GALNT18: variants seen among roughly 807,000 people sequenced by gnomAD.
GALNT18 encodes the protein polypeptide N-acetylgalactosaminyltransferase 18.
In GALNT18, 44 loss-of-function variants were observed where a neutral mutation model predicts 69.5. That is an observed-to-expected ratio of 0.63 (90% CI 0.50 to 0.81). GALNT18 has a LOEUF of 0.81. GALNT18 is among the 40% of genes least tolerant of loss of function. The probability of loss-of-function intolerance (pLI) is 0.00; values close to 1 mark genes in which losing one functional copy is unlikely to be tolerated. For synonymous variants in GALNT18, 364 were observed against 318.2 expected, an observed-to-expected ratio of 1.14 and a Z score of -1.53; for missense variants, 715 against 810.0, an observed-to-expected ratio of 0.88 and a Z score of 1.42.
chr11:11,325,010 T>C (rs1292660714), intron 9 of GALNT18, among the ~76,000 whole-genome samples: 1 of 152,238 alleles, frequency 6.6e-6, no homozygotes, highest in Non-Finnish European at 1.5e-5. Flanking sequence ...ACTGGGTATC[T>C]ACCCAAAGGA....
Position 11,361,311 on chromosome 11 carries a change from A to G in GALNT18, c.1092+11204T>C, listed in dbSNP as rs149508642. ...GGTTCAAATCGCATCTTTACCACTT[A>G]CCAGTCATGTAACCTTGAGCAAGTT... On this transcript the variant is annotated intron_variant, in intron 6 of 10. Coordinates refer to ENST00000227756, the MANE Select transcript of GALNT18 (RefSeq NM_198516.3). Among the ~76,000 whole-genome samples the G allele has an allele frequency of 5.6e-3, 852 of 152,256 alleles. 5 individuals are homozygous for G. The highest frequency in any genetic ancestry group is 0.019 in the African/African-American group (794 of 41,530).
chr11:11,579,901 A>G (rs1165930548), intron 1 of GALNT18, among the ~76,000 whole-genome samples: 1 of 152,122 alleles, frequency 6.6e-6, no homozygotes, highest in East Asian at 1.9e-4. Context: ...CTGAGTTGTG[A>G]CTCAGTGAGT....
intron 1 of GALNT18, among the ~76,000 whole-genome samples, chr11:11,450,375 G>C (rs1018191559): frequency 3.9e-5 from 6 of 152,158 alleles, no homozygotes; most frequent in South Asian, 2.1e-4. Context: ...TCTCCTAAAA[G>C]CCCATCTGAG....
intron 6 of GALNT18, among the ~76,000 whole-genome samples, chr11:11,368,980 G>C (rs531474010): frequency 1.3e-5 from 2 of 152,348 alleles, no homozygotes; most frequent in South Asian, 2.1e-4. Context: ...TTTCTCCAGA[G>C]AGGATTTCTA....
chr11:11,518,817 C>T (rs1268100537), intron 1 of GALNT18, among the ~76,000 whole-genome samples: 1 of 152,236 alleles, frequency 6.6e-6, no homozygotes, highest in Non-Finnish European at 1.5e-5. Context: ...CCACCAGCTT[C>T]TCTAAGTACA....
chr11:11,300,267 C>T (rs937314473), intron 9 of GALNT18, among the ~76,000 whole-genome samples: 1 of 152,202 alleles, frequency 6.6e-6, no homozygotes, highest in Admixed American at 6.5e-5. Context: ...CATTTAGACT[C>T]TCCCTGCTGA....
chr11:11,388,252 T>C (rs1386054493), intron 3 of GALNT18, among the ~76,000 whole-genome samples: 1 of 152,160 alleles, frequency 6.6e-6, no homozygotes, highest in Non-Finnish European at 1.5e-5. Context: ...ACAAGGAATA[T>C]GCACCCCATA....
Position 11,618,846 on chromosome 11 carries a change from T to C in GALNT18, c.235+2513A>G, listed in dbSNP as rs970482365. Among the ~76,000 whole-genome samples, 3 of 152,202 alleles carry C rather than the reference T, an allele frequency of 2.0e-5. No homozygotes were observed. Among genetic ancestry groups the C allele is most frequent in the Admixed American group, 2.0e-4 (3 of 15,280 alleles). ...TTTTAGCTCTTATTATTATTACCGC[T>C]TATTCCCTCCAGTTCAGCAAAGTAA... is the stretch of plus-strand genomic sequence containing the variant. On this transcript the variant is annotated intron_variant, in intron 1 of 10. Transcript: ENST00000227756. This position sits in a 1 kb window ranked among gnomAD's most constrained non-coding sequence, Gnocchi z 6.1.
chr11:11,430,111 A>G lies in GALNT18; in HGVS notation c.595+2510T>C, dbSNP rs2133790669. Among the ~76,000 whole-genome samples, 1 of 152,320 alleles carries G rather than the reference A, an allele frequency of 6.6e-6. No individual in the cohort carries two copies. The highest frequency in any genetic ancestry group is 1.5e-5 in the Non-Finnish European group (1 of 68,026). ...GTGCCACTGCATTCCAGCCTGGGCA[A>G]CAGAGCAAGACCCTGTCTCAAAAAA... On this transcript the variant is annotated intron_variant, in intron 3 of 10. Coordinates refer to ENST00000227756, the MANE Select transcript of GALNT18 (RefSeq NM_198516.3). The surrounding 1 kb of genome is among the most constrained non-coding windows in gnomAD (Gnocchi z 4.9).
chr11:11,311,240 T>C (rs908934353), intron 9 of GALNT18, among the ~76,000 whole-genome samples: 3 of 152,140 alleles, frequency 2.0e-5, no homozygotes, highest in Admixed American at 2.0e-4. Context: ...TTCTTGAAGG[T>C]CTACTTCTAC....
In GALNT18 at chr11:11,271,270, G is replaced by A; in HGVS notation, c.1698C>T (p.Arg566=). The A allele has an allele frequency of 1.2e-6, 2 of 1,614,096 alleles. No individual in the cohort carries two copies. Among genetic ancestry groups the A allele is most frequent in the South Asian group, 1.1e-5 (1 of 91,084 alleles). The change falls in exon 11 of 11, where the codon CGC becomes CGT. Residue 566 remains arginine (R), a synonymous_variant. Transcript: ENST00000227756. ...GCAGCTCCAGACAGCGCTTAGACTT[G>A]CGGTTCTGGATGGGTCCTCCCTAGG... ...QFSQGGPIQN[R]KSKRCLELQE...
At chr11:11,274,975 C>T (rs1427603499) in intron 10 of GALNT18, among the ~76,000 whole-genome samples, 4 of 152,226 alleles carry the variant, frequency 2.6e-5, no homozygotes, top group African/African-American at 9.6e-5. Flanking sequence ...GGTTCCAAGT[C>T]TTTGCTATTG....
At chr11:11,509,483 T>C (rs1308564460) in intron 1 of GALNT18, among the ~76,000 whole-genome samples, 1 of 152,228 alleles carries the variant, frequency 6.6e-6, no homozygotes, top group East Asian at 1.9e-4. Context: ...GGGTGAAAAC[T>C]CTAAGAACAG....
chr11:11,499,725 G>A (rs1424118711), intron 1 of GALNT18, among the ~76,000 whole-genome samples: 1 of 152,152 alleles, frequency 6.6e-6, no homozygotes, highest in Non-Finnish European at 1.5e-5. Flanking sequence ...TGCTCTACAT[G>A]GTGCCCTAGC....
Position 11,621,569 on chromosome 11 carries a change from T to C in GALNT18, c.25A>G (p.Thr9Ala). MVCTRKTK[T>A]LVSTCVILSG... Reference sequence around the variant, plus strand: ...AGGATCACGCAAGTGGACACCAAAGTTTTGGTCTTCCTGGTGCACACCATT... The same window carrying C: ...AGGATCACGCAAGTGGACACCAAAGCTTTGGTCTTCCTGGTGCACACCATT... The change falls in exon 1 of 11, where the codon ACT (threonine) becomes GCT (alanine). Residue 9 changes from threonine (T) to alanine (A), a missense_variant. Thr to Ala is a moderately conservative substitution (Grantham distance 58, BLOSUM62 0). Transcript: ENST00000227756. The surrounding 1 kb of genome is among the most constrained non-coding windows in gnomAD (Gnocchi z 9.3). 6.2e-7 allele frequency: 1 copy of C among 1,609,304 alleles called. No homozygotes were observed. Among genetic ancestry groups the C allele is most frequent in the Non-Finnish European group, 8.5e-7 (1 of 1,177,574 alleles).
intron 1 of GALNT18, among the ~76,000 whole-genome samples, chr11:11,568,685 T>A (rs1858711088): frequency 6.6e-6 from 1 of 152,038 alleles, no homozygotes; most frequent in African/African-American, 2.4e-5. Flanking sequence ...GAGTTCTGGA[T>A]TTGGATTCAG....
At chr11:11,279,907 T>C (rs867666804) in intron 10 of GALNT18, among the ~76,000 whole-genome samples, 2 of 151,572 alleles carry the variant, frequency 1.3e-5, no homozygotes, top group East Asian at 3.9e-4. Flanking sequence ...AATTGAAAAA[T>C]TGAAATAAAA....
intron 1 of GALNT18, among the ~76,000 whole-genome samples, chr11:11,495,460 A>G (rs1320716163): frequency 6.6e-6 from 1 of 152,216 alleles, no homozygotes; most frequent in Non-Finnish European, 1.5e-5. Flanking sequence ...AGGAACCTGC[A>G]AAAACAGGGT....
intron 1 of GALNT18, among the ~76,000 whole-genome samples, chr11:11,530,363 C>G (rs984782183): frequency 6.6e-6 from 1 of 152,168 alleles, no homozygotes; most frequent in East Asian, 1.9e-4. Flanking sequence ...TCTCTGCCCC[C>G]AGGAGACACC....
Sources: allele counts gnomAD v4.1 joint callset (sites outside exome capture counted in the v4.1 genomes callset), GRCh38; gene constraint gnomAD v4.1.1; non-coding constraint Gnocchi (gnomAD v3.1); transcripts MANE v1.5; gene names NCBI Gene and HGNC (gene_info 2026-07-23, HGNC 2026-07-21).